Variants in LINC00305 observed in about 807,000 individuals in gnomAD.
LINC00305 encodes the protein long independently transcribed non-coding RNA 305.
intron 1 of LINC00305, among the ~76,000 whole-genome samples, chr18:64,119,804 A>T (rs2850711): frequency 0.14 from 21,433 of 151,988 alleles, 1,533 homozygotes; most frequent in Non-Finnish European, 0.16. Context: ...GTTCTACCTC[A>T]AAGACCGATC....
intron 3 of LINC00305, among the ~76,000 whole-genome samples, chr18:64,091,723 T>G (rs1261321024): frequency 6.6e-6 from 1 of 152,198 alleles, no homozygotes; most frequent in East Asian, 1.9e-4. Context: ...ACACTCTCCC[T>G]GTTGCTATAT....
intron 1 of LINC00305, among the ~76,000 whole-genome samples, chr18:64,147,752 A>T (rs1186360983): frequency 6.6e-6 from 1 of 152,118 alleles, no homozygotes; most frequent in African/African-American, 2.4e-5. Context: ...GTGGATTGAT[A>T]GGTAGAGGGA....
At chr18:64,087,621 C>T (rs2051208266) in intron 3 of LINC00305, among the ~76,000 whole-genome samples, 1 of 151,854 alleles carries the variant, frequency 6.6e-6, no homozygotes, top group Non-Finnish European at 1.5e-5. Context: ...CTGTTAAATA[C>T]CTTTATATAT....
At position 64,114,139 on chromosome 18, in the gene LINC00305, G is replaced by A. The variant is rs550801433; in HGVS notation, n.315-15499C>T. On this transcript the variant is annotated intron_variant and non_coding_transcript_variant, in intron 1 of 3. Transcript: ENST00000666468. ...AAAAAAATTAGCCGGGCGTGGTGGCGGGCGCCTGCAGTCCCAGCTACTCTG... is the reference window on the plus strand; with the variant it reads ...AAAAAAATTAGCCGGGCGTGGTGGCAGGCGCCTGCAGTCCCAGCTACTCTG... Among the ~76,000 whole-genome samples the A allele has an allele frequency of 2.2e-3, 335 of 152,224 alleles. 3 individuals are homozygous for A. The highest frequency in any genetic ancestry group is 3.1e-3 in the Non-Finnish European group (213 of 68,016).
chr18:64,114,636 C>T (rs2051329805), intron 1 of LINC00305, among the ~76,000 whole-genome samples: 3 of 152,190 alleles, frequency 2.0e-5, no homozygotes, highest in Admixed American at 1.3e-4. Context: ...TCAACCTCTG[C>T]CTCCTGGGTT....
At chr18:64,145,220 C>G (rs1240768437) in intron 1 of LINC00305, among the ~76,000 whole-genome samples, 1 of 152,192 alleles carries the variant, frequency 6.6e-6, no homozygotes, top group Non-Finnish European at 1.5e-5. Flanking sequence ...GATGCACACA[C>G]TATATTGTAA....
chr18:64,139,993 T>C (rs2051453791), intron 1 of LINC00305, among the ~76,000 whole-genome samples: 1 of 152,084 alleles, frequency 6.6e-6, no homozygotes, highest in Non-Finnish European at 1.5e-5. Flanking sequence ...ACACTGACCT[T>C]GTTCTTCTTT....
intron 3 of LINC00305, among the ~76,000 whole-genome samples, chr18:64,089,279 T>C (rs1483235367): frequency 6.6e-6 from 1 of 152,186 alleles, no homozygotes; most frequent in Non-Finnish European, 1.5e-5. Flanking sequence ...TGCTCACTCC[T>C]CTCTGTCTGC....
intron 1 of LINC00305, among the ~76,000 whole-genome samples, chr18:64,104,497 C>T (rs1472633151): frequency 6.6e-6 from 1 of 152,222 alleles, no homozygotes; most frequent in Non-Finnish European, 1.5e-5. Flanking sequence ...TAATCAATTA[C>T]CATTCTTGCC....
At chr18:64,144,662 C>T (rs1168838142) in intron 1 of LINC00305, among the ~76,000 whole-genome samples, 1 of 152,084 alleles carries the variant, frequency 6.6e-6, no homozygotes, top group Non-Finnish European at 1.5e-5. Context: ...GTGCCTGCCA[C>T]CACACACAGT....
chr18:64,101,045 C>T (rs977875051), intron 1 of LINC00305, among the ~76,000 whole-genome samples: 6 of 152,208 alleles, frequency 3.9e-5, no homozygotes, highest in African/African-American at 1.4e-4. Context: ...AGCTGGACAT[C>T]TTTGCAAATG....
At chr18:64,097,855 T>C (rs1044823349) in exon 3 of LINC00305, 2 of 457,968 alleles carry the variant, frequency 4.4e-6, no homozygotes, top group Non-Finnish European at 8.8e-6. Flanking sequence ...ATTGAGAGCA[T>C]GTAGAATCTC....
Position 64,128,219 on chromosome 18 carries a change from G to C in LINC00305, n.314+20556C>G, listed in dbSNP as rs574621929. ...AAATAGAAAAGGTGATTCTCTGGAA[G>C]AGTGATATTTGCAAGATTCCTGAGC... On this transcript the variant is annotated intron_variant and non_coding_transcript_variant, in intron 1 of 3. Transcript: ENST00000666468. 1.5e-4 allele frequency among the ~76,000 whole-genome samples: 23 copies of C among 152,222 alleles called. No individual in the cohort carries two copies. In the East Asian group the frequency reaches 4.4e-3, roughly 29 times the overall value.
chr18:64,103,437 T>G (rs1316586343), intron 1 of LINC00305, among the ~76,000 whole-genome samples: 1 of 152,192 alleles, frequency 6.6e-6, no homozygotes, highest in Non-Finnish European at 1.5e-5. Context: ...TTATCTTCCT[T>G]TTGCGGCACT....
chr18:64,145,196 T>A lies in LINC00305; in HGVS notation n.314+3579A>T, dbSNP rs571640708. On this transcript the variant is annotated intron_variant and non_coding_transcript_variant, in intron 1 of 3. Transcript: ENST00000666468. ...AGACTGCGTTTCTGTTTTAAGGCTC[T>A]GTTAGAAATTACTGATGCACACACT... 1.2e-4 allele frequency among the ~76,000 whole-genome samples: 19 copies of A among 152,342 alleles called. 1 individual carries two copies. Among genetic ancestry groups the A allele is most frequent in the Non-Finnish European group, 2.5e-4 (17 of 68,022 alleles).
chr18:64,085,746 C>G (rs2051200898), intron 3 of LINC00305, among the ~76,000 whole-genome samples: 1 of 152,228 alleles, frequency 6.6e-6, no homozygotes, highest in South Asian at 2.1e-4. Context: ...CAGGCGTGAG[C>G]CACCACGCCC....
In LINC00305 at chr18:64,143,758, TA is replaced by T. The variant is rs1568120326; in HGVS notation, n.314+5016del. 2.0e-3 allele frequency among the ~76,000 whole-genome samples: 139 copies of T among 71,278 alleles called. 3 individuals carry two copies. The highest frequency in any genetic ancestry group is 8.2e-3 in the Middle Eastern group (1 of 122). 46.8% of individuals were successfully genotyped at this position (71,278 alleles called of 152,430 possible). ...TCCACATATTATGCGTACATGTATG[TA>T]CACATATTATGCGTACATGTATGTA... On this transcript the variant is annotated intron_variant and non_coding_transcript_variant, in intron 1 of 3. Transcript: ENST00000666468.
At chr18:64,104,928 T>C (rs2051283423) in intron 1 of LINC00305, among the ~76,000 whole-genome samples, 1 of 151,740 alleles carries the variant, frequency 6.6e-6, no homozygotes, top group African/African-American at 2.4e-5. Context: ...TTCTCGGTGG[T>C]GGGGGCTGGA....
chr18:64,107,069 T>C lies in LINC00305; in HGVS notation n.315-8429A>G, dbSNP rs1024220650. 2.6e-5 allele frequency among the ~76,000 whole-genome samples: 4 copies of C among 152,344 alleles called. No homozygotes were observed. In the South Asian group the frequency reaches 6.2e-4, roughly 24 times the overall value. On this transcript the variant is annotated intron_variant and non_coding_transcript_variant, in intron 1 of 3. Transcript: ENST00000666468. ...TTTCAAAATCCTCTCCTCAATCTCATTTTCTCATCTCTGCATGGCAGAAAG... is the reference window on the plus strand; with the variant it reads ...TTTCAAAATCCTCTCCTCAATCTCACTTTCTCATCTCTGCATGGCAGAAAG...
Sources: gnomAD v4.1 joint callset for allele counts (sites outside exome capture counted in the v4.1 genomes callset) on GRCh38, gnomAD v4.1.1 for gene constraint, MANE v1.5 for transcripts, NCBI Gene and HGNC (gene_info 2026-07-23, HGNC 2026-07-21) for gene names.